MRPL50: variants seen among roughly 807,000 people sequenced by gnomAD.
The protein encoded by MRPL50 is mitochondrial ribosomal protein L50.
Under a neutral mutation model 16.2 loss-of-function variants are expected in MRPL50, and 10 were observed. The observed-to-expected ratio is 0.62, with a 90% confidence interval of 0.38 to 1.05. The LOEUF (loss-of-function observed/expected upper bound fraction) is 1.05. MRPL50 is among the 50% of genes least tolerant of loss of function. MRPL50 has a pLI of 0.01. For missense variants in MRPL50, 213 were observed against 187.1 expected, an observed-to-expected ratio of 1.14 and a Z score of -0.81; for synonymous variants, 68 against 66.8, an observed-to-expected ratio of 1.02 and a Z score of -0.09.
intron 1 of MRPL50, among the ~76,000 whole-genome samples, chr9:101,395,146 T>C (rs1830323577): frequency 1.3e-5 from 2 of 152,134 alleles, no homozygotes; most frequent in South Asian, 2.1e-4. Flanking sequence ...AAAGAAGATA[T>C]ACAATGACCA....
intron 1 of MRPL50, among the ~76,000 whole-genome samples, chr9:101,397,627 T>G (rs1830374785): frequency 6.6e-6 from 1 of 152,046 alleles, no homozygotes; most frequent in South Asian, 2.1e-4. Context: ...ATTTGTTGAG[T>G]GAATGAATAA....
intron 1 of MRPL50, among the ~76,000 whole-genome samples, chr9:101,392,935 GCA>G (rs1460076939): frequency 3.3e-5 from 5 of 151,990 alleles, no homozygotes; most frequent in Non-Finnish European, 7.4e-5. Context: ...TTCCTGATGA[GCA>G]CAGATGCAAA....
At position 101,389,388 on chromosome 9, in the gene MRPL50, G is replaced by A. The variant is rs547474560; in HGVS notation, c.*1078C>T. Reference sequence around the variant, plus strand: ...GTTCTTGAATGAAGTGCCTGTGGATGATATTTGTAGGGCATGTCTATACTG... The same window carrying A: ...GTTCTTGAATGAAGTGCCTGTGGATAATATTTGTAGGGCATGTCTATACTG... On this transcript the variant is annotated 3_prime_UTR_variant, in exon 2 of 2. Transcript: ENST00000374865. 1 of 1,079,336 alleles carries A rather than the reference G, an allele frequency of 9.3e-7. No homozygotes were observed. The highest frequency in any genetic ancestry group is 2.6e-5 in the Admixed American group (1 of 39,212). 66.9% of individuals were successfully genotyped at this position (1,079,336 alleles called of 1,614,324 possible). A position where few individuals can be genotyped will look rare whatever the true frequency, so the allele number is the denominator to read the frequency against.
intron 1 of MRPL50, among the ~76,000 whole-genome samples, chr9:101,395,385 T>C (rs1830326262): frequency 6.6e-6 from 1 of 152,068 alleles, no homozygotes; most frequent in African/African-American, 2.4e-5. Flanking sequence ...AAAAATAAAA[T>C]TACCATATGA....
At chr9:101,392,761 A>G (rs1332826111) in intron 1 of MRPL50, among the ~76,000 whole-genome samples, 1 of 152,086 alleles carries the variant, frequency 6.6e-6, no homozygotes, top group Admixed American at 6.6e-5. Context: ...AACACTGAAG[A>G]GGAGAGAATA....
At chr9:101,394,841 T>C (rs1830320188) in intron 1 of MRPL50, among the ~76,000 whole-genome samples, 1 of 151,490 alleles carries the variant, frequency 6.6e-6, no homozygotes, top group African/African-American at 2.4e-5. Context: ...AAGAAAACAT[T>C]GGGGAGATGC....
intron 1 of MRPL50, among the ~76,000 whole-genome samples, chr9:101,398,110 G>A (rs1347408718): frequency 6.6e-6 from 1 of 152,188 alleles, no homozygotes; most frequent in Non-Finnish European, 1.5e-5. Context: ...AAAGGAGGAG[G>A]CAGTACTTCA....
chr9:101,397,475 A>C (rs1355673679), intron 1 of MRPL50, among the ~76,000 whole-genome samples: 1 of 152,210 alleles, frequency 6.6e-6, no homozygotes, highest in Non-Finnish European at 1.5e-5. Context: ...CCACTTTCTG[A>C]AATTACATTA....
At chr9:101,395,537 G>C (rs913258016) in intron 1 of MRPL50, among the ~76,000 whole-genome samples, 1 of 151,890 alleles carries the variant, frequency 6.6e-6, no homozygotes, top group Non-Finnish European at 1.5e-5. Context: ...TGGATGAATG[G>C]ATATTAAAAA....
At chr9:101,393,620 A>AATCAGTAGC (rs1830301725) in intron 1 of MRPL50, among the ~76,000 whole-genome samples, 1 of 152,114 alleles carries the variant, frequency 6.6e-6, no homozygotes, top group Non-Finnish European at 1.5e-5. Flanking sequence ...CAACATACAA[A>AATCAGTAGC]ATCAGTAGCA....
rs1830220586 is a variant in MRPL50, at chr9:101,387,740, T to C, written c.*2726A>G. 6.6e-6 allele frequency: 1 copy of C among 152,144 alleles called. No individual in the cohort carries two copies. Among genetic ancestry groups the C allele is most frequent in the African/African-American group, 2.4e-5 (1 of 41,452 alleles). 9.4% of individuals were successfully genotyped at this position (152,144 alleles called of 1,614,324 possible). On this transcript the variant is annotated 3_prime_UTR_variant, in exon 2 of 2. Coordinates refer to ENST00000374865, the MANE Select transcript of MRPL50 (RefSeq NM_019051.3). ...TTTATTAGCAGGCTTTATTTAAGCA[T>C]ACCTACTAAGCTTACAGAAGTTCCA...
chr9:101,396,731 C>T (rs768631314), intron 1 of MRPL50, among the ~76,000 whole-genome samples: 37 of 152,076 alleles, frequency 2.4e-4, no homozygotes, highest in Non-Finnish European at 5.3e-4. Context: ...ATCATGAGGT[C>T]AAGAGATCGA....
In MRPL50 at chr9:101,389,025, CAACT is replaced by C. The variant is rs1211337052; in HGVS notation, c.*1437_*1440del. 6 of 152,308 alleles carry C rather than the reference CAACT, an allele frequency of 3.9e-5. No individual in the cohort carries two copies. Among genetic ancestry groups the C allele is most frequent in the African/African-American group, 1.2e-4 (5 of 41,382 alleles). 9.4% of individuals were successfully genotyped at this position (152,308 alleles called of 1,614,324 possible). On this transcript the variant is annotated 3_prime_UTR_variant, in exon 2 of 2. Coordinates refer to ENST00000374865, the MANE Select transcript of MRPL50 (RefSeq NM_019051.3). ...ATATTATTCACAATAGTTATGTTCA[CAACT>C]ATTTACATACTATTCACAATTGTAA...
chr9:101,395,828 A>G (rs1388869730), intron 1 of MRPL50, among the ~76,000 whole-genome samples: 1 of 144,040 alleles, frequency 6.9e-6, no homozygotes, highest in African/African-American at 2.5e-5. Context: ...AAGGAGTAAT[A>G]CAGTTAGAGA....
intron 1 of MRPL50, among the ~76,000 whole-genome samples, chr9:101,398,121 T>C (rs1276858018): frequency 6.6e-6 from 1 of 152,200 alleles, no homozygotes; most frequent in African/African-American, 2.4e-5. Context: ...CAGTACTTCA[T>C]TACTGAACCT....
Position 101,389,304 on chromosome 9 carries a change from C to A in MRPL50, c.*1162G>T. The A allele has an allele frequency of 2.7e-6, 1 of 364,434 alleles. No homozygotes were observed. Among genetic ancestry groups the A allele is most frequent in the South Asian group, 2.7e-5 (1 of 36,744 alleles). 22.6% of individuals were successfully genotyped at this position (364,434 alleles called of 1,614,324 possible). On this transcript the variant is annotated 3_prime_UTR_variant, in exon 2 of 2. Coordinates refer to ENST00000374865, the MANE Select transcript of MRPL50 (RefSeq NM_019051.3). ...TCCAAGTAGGTGTCCTGGAACCAATCCCCAAGGAATCAACTCTAATGTCTA... is the reference window on the plus strand; with the variant it reads ...TCCAAGTAGGTGTCCTGGAACCAATACCCAAGGAATCAACTCTAATGTCTA...
In MRPL50 at chr9:101,390,604, A is replaced by G. The variant is rs1456102343; in HGVS notation, c.339T>C (p.Pro113=). 4 of 1,613,408 alleles carry G rather than the reference A, an allele frequency of 2.5e-6. No individual in the cohort carries two copies. In the East Asian group the frequency reaches 6.7e-5, roughly 27 times the overall value. The change falls in exon 2 of 2, where the codon CCT becomes CCC. Residue 113 remains proline (P), a synonymous_variant. Transcript: ENST00000374865. ...TGCACATCTGGTGGAGTCTGGAGTT[A>G]GGGACTACATGACCCAAGTCATCAG... The part of the protein sequence containing the change: ...HLADDLGHVV[P]NSRLHQMCRV...
intron 1 of MRPL50, 67 bp from the exon 2 acceptor site, chr9:101,390,917 C>A (rs1830263303): frequency 6.7e-7 from 1 of 1,496,998 alleles, no homozygotes; most frequent in South Asian, 1.4e-5. Context: ...CCAAATCTTG[C>A]CTACCAATCA....
At position 101,389,367 on chromosome 9, in the gene MRPL50, T is replaced by C. The variant is rs1305709683; in HGVS notation, c.*1099A>G. 4 of 926,848 alleles carry C rather than the reference T, an allele frequency of 4.3e-6. No individual in the cohort carries two copies. The highest frequency in any genetic ancestry group is 3.5e-5 in the African/African-American group (2 of 56,700). The allele number at this position is 926,848 out of a possible 1,614,324, so 57.4% of individuals were successfully genotyped here. A position where few individuals can be genotyped will look rare whatever the true frequency, so the allele number is the denominator to read the frequency against. On this transcript the variant is annotated 3_prime_UTR_variant, in exon 2 of 2. Transcript: ENST00000374865. ...CCAGGCACTCTGACACCTGAAGTTCTTGAATGAAGTGCCTGTGGATGATAT... is the reference window on the plus strand; with the variant it reads ...CCAGGCACTCTGACACCTGAAGTTCCTGAATGAAGTGCCTGTGGATGATAT...
Sources: allele counts gnomAD v4.1 joint callset (sites outside exome capture counted in the v4.1 genomes callset), GRCh38; gene constraint gnomAD v4.1.1; transcripts MANE v1.5; gene names NCBI Gene and HGNC (gene_info 2026-07-23, HGNC 2026-07-21).